Variants in DLGAP1 observed in about 807,000 individuals in gnomAD.
DLGAP1 encodes DLG associated protein 1.
DLGAP1 carries 11 observed loss-of-function variants against 90.8 expected under a neutral mutation model. The ratio of observed to expected loss-of-function variants is 0.12; its 90% CI spans 0.08 to 0.20. The LOEUF is 0.20. DLGAP1 is among the 10% of genes least tolerant of loss of function. The pLI, the probability that DLGAP1 is intolerant of heterozygous loss-of-function variation, is 1.00. For synonymous variants in DLGAP1, 558 were observed against 540.7 expected, an observed-to-expected ratio of 1.03 and a Z score of -0.44; for missense variants, 1,050 against 1,333.8, an observed-to-expected ratio of 0.79 and a Z score of 3.31.
At chr18:4,340,351 G>T (rs768859352) in intron 1 of DLGAP1, among the ~76,000 whole-genome samples, 2 of 151,980 alleles carry the variant, frequency 1.3e-5, no homozygotes, top group African/African-American at 2.4e-5. Flanking sequence ...ACAGAGTGAG[G>T]TTTCATCACA....
At chr18:3,793,591 T>A (rs2065846110) in intron 5 of DLGAP1, among the ~76,000 whole-genome samples, 1 of 152,060 alleles carries the variant, frequency 6.6e-6, no homozygotes, top group African/African-American at 2.4e-5. Context: ...TCACTTAGAG[T>A]ACAACTCGAA....
At chr18:3,513,666 G>A (rs745647023) in intron 10 of DLGAP1, among the ~76,000 whole-genome samples, 2 of 152,326 alleles carry the variant, frequency 1.3e-5, no homozygotes, top group Non-Finnish European at 2.9e-5. Flanking sequence ...TGAAAGAGAT[G>A]GTGGGTGTTT....
At chr18:3,522,262 G>A (rs923774575) in intron 10 of DLGAP1, among the ~76,000 whole-genome samples, 5 of 149,120 alleles carry the variant, frequency 3.4e-5, no homozygotes, top group East Asian at 2.1e-4. Context: ...TCAGCCTCCC[G>A]AGTAGCTGGG....
At chr18:3,636,181 T>A (rs2058708012) in intron 7 of DLGAP1, among the ~76,000 whole-genome samples, 1 of 151,170 alleles carries the variant, frequency 6.6e-6, no homozygotes, top group Non-Finnish European at 1.5e-5. Context: ...GGCCAACTCC[T>A]ATCATCCTTC....
chr18:3,680,924 T>C (rs1032064235), intron 7 of DLGAP1, among the ~76,000 whole-genome samples: 1 of 152,178 alleles, frequency 6.6e-6, no homozygotes, highest in Non-Finnish European at 1.5e-5. Flanking sequence ...CTGCAAACTC[T>C]GGTTTCCACA....
intron 2 of DLGAP1, among the ~76,000 whole-genome samples, chr18:4,083,783 C>G (rs886275582): frequency 1.3e-5 from 2 of 152,024 alleles, no homozygotes; most frequent in African/African-American, 4.8e-5. Flanking sequence ...GGCTCTGACC[C>G]CATGGTAGCA....
At chr18:3,874,154 C>T in intron 4 of DLGAP1, 1 of 1,550,050 alleles carries the variant, frequency 6.5e-7, no homozygotes. Context: ...ATACCCAAAC[C>T]TGGTCAGTCC....
chr18:3,691,426 C>CAA (rs34761241), intron 7 of DLGAP1, among the ~76,000 whole-genome samples: 2 of 123,626 alleles, frequency 1.6e-5, no homozygotes, highest in Non-Finnish European at 1.8e-5. Flanking sequence ...GACTCTGTCT[C>CAA]AAAAAAAAAA....
Position 3,814,100 on chromosome 18 carries a change from G to A in DLGAP1, c.1131C>T (p.Leu377=). 6.2e-7 allele frequency: 1 copy of A among 1,614,080 alleles called. No homozygotes were observed. The highest frequency in any genetic ancestry group is 8.5e-7 in the Non-Finnish European group (1 of 1,179,996). The stretch of plus-strand genomic sequence containing the variant: ...CTGTAAGGGATGGCTGAGTAGCCTT[G>A]AGATAGCTTTCTCTCCGCGCAGCAA... ...PKVAARRESY[L]KATQPSLTEL... is the part of the protein sequence containing the mutation. Residue 377 remains leucine, a synonymous_variant, in exon 5 of 13, where the codon CTC becomes CTT. Transcript: ENST00000315677.
chr18:3,874,285 C>CTCTCTCTCGCTCCCTCTG, intron 4 of DLGAP1: 1 of 1,548,458 alleles, frequency 6.5e-7, no homozygotes, highest in Non-Finnish European at 8.7e-7. Context: ...CTGTCTTGCT[C>CTCTCTCTCGCTCCCTCTG]TCTCTCTCGC....
chr18:4,295,768 G>T (rs1220845648), intron 1 of DLGAP1, among the ~76,000 whole-genome samples: 1 of 152,062 alleles, frequency 6.6e-6, no homozygotes, highest in African/African-American at 2.4e-5. Context: ...CCAAATAAAA[G>T]TAAGTAAAGT....
At chr18:3,835,393 G>A (rs1185722404) in intron 4 of DLGAP1, among the ~76,000 whole-genome samples, 1 of 152,048 alleles carries the variant, frequency 6.6e-6, no homozygotes, top group Admixed American at 6.6e-5. Context: ...GCTCACGCCT[G>A]TAATCCCAGC....
intron 7 of DLGAP1, among the ~76,000 whole-genome samples, chr18:3,658,976 TACAA>T (rs2059590349): frequency 6.6e-6 from 1 of 152,160 alleles, no homozygotes; most frequent in Non-Finnish European, 1.5e-5. Context: ...TAAGCTCAAA[TACAA>T]ACAAAAATTA....
At chr18:4,428,041 A>G (rs1252857382) in intron 1 of DLGAP1, among the ~76,000 whole-genome samples, 1 of 152,214 alleles carries the variant, frequency 6.6e-6, no homozygotes, top group Non-Finnish European at 1.5e-5. Context: ...TTACCAAAAG[A>G]TGTTCCACTT....
At chr18:4,303,825 A>G (rs2080186337) in intron 1 of DLGAP1, among the ~76,000 whole-genome samples, 2 of 152,192 alleles carry the variant, frequency 1.3e-5, no homozygotes, top group South Asian at 4.1e-4. Context: ...GAAGAAGGAG[A>G]AATGCAAATG....
intron 2 of DLGAP1, among the ~76,000 whole-genome samples, chr18:4,141,584 G>C (rs967827268): frequency 6.6e-6 from 1 of 151,844 alleles, no homozygotes; most frequent in Non-Finnish European, 1.5e-5. Flanking sequence ...AAAAATCTTG[G>C]AGATCTCCAT....
chr18:3,651,914 C>T lies in DLGAP1; in HGVS notation c.1592-69666G>A, dbSNP rs577834497. Among the ~76,000 whole-genome samples, 5 of 151,166 alleles carry T rather than the reference C, an allele frequency of 3.3e-5. No homozygotes were observed. In the East Asian group the frequency reaches 5.8e-4, roughly 18 times the overall value. ...TGAGCCCAGGAGGCGGAGGTTGCAGCGAGCCGAGATCACGCCACTGCGCTC... is the reference window on the plus strand; with the variant it reads ...TGAGCCCAGGAGGCGGAGGTTGCAGTGAGCCGAGATCACGCCACTGCGCTC... On this transcript the variant is annotated intron_variant, in intron 7 of 12. Transcript: ENST00000315677.
chr18:4,118,734 TAAGCTTGGGGTGG>T lies in DLGAP1; in HGVS notation c.-159+32433_-159+32445del, dbSNP rs371022363. ...ATTAGAGCTCCTCAATCAGTTTCCC[TAAGCTTGGGGTGG>T]AAGGTAAGGGTCATGACTGAAATGC... On this transcript the variant is annotated intron_variant, in intron 2 of 12. Coordinates refer to ENST00000315677, the MANE Select transcript of DLGAP1 (RefSeq NM_004746.4). 7.6e-3 allele frequency among the ~76,000 whole-genome samples: 1,150 copies of T among 152,194 alleles called. 19 individuals are homozygous for T. The highest frequency in any genetic ancestry group is 0.027 in the African/African-American group (1,109 of 41,528).
intron 1 of DLGAP1, among the ~76,000 whole-genome samples, chr18:4,162,714 T>C (rs1352348569): frequency 6.6e-6 from 1 of 152,118 alleles, no homozygotes; most frequent in Non-Finnish European, 1.5e-5. Flanking sequence ...ATAATTATTG[T>C]AATAAAGTGG....
Sources: gnomAD v4.1 joint callset for allele counts (sites outside exome capture counted in the v4.1 genomes callset) on GRCh38, gnomAD v4.1.1 for gene constraint, MANE v1.5 for transcripts, NCBI Gene and HGNC (gene_info 2026-07-23, HGNC 2026-07-21) for gene names.